Variants in TMEM128 observed in about 807,000 individuals in gnomAD.
TMEM128 encodes the protein transmembrane protein 128.
TMEM128 carries 16 observed loss-of-function variants against 19.7 expected under a neutral mutation model. The ratio of observed to expected loss-of-function variants is 0.81; its 90% CI spans 0.55 to 1.23. The LOEUF (loss-of-function observed/expected upper bound fraction) is 1.23, where lower values mean the gene tolerates loss of function less well. Among genes scored for constraint, TMEM128 ranks in the 50% most tolerant of loss-of-function variants. The probability of loss-of-function intolerance (pLI) is 0.00; values close to 1 mark genes in which losing one functional copy is unlikely to be tolerated. For synonymous variants in TMEM128, 98 were observed against 75.8 expected (o/e 1.29, Z -1.52); for missense variants, 237 against 200.8 (o/e 1.18, Z -1.09).
chr4:4,248,152 C>T lies in TMEM128; in HGVS notation c.51G>A (p.Leu17=), dbSNP rs1577201465. The T allele has an allele frequency of 6.5e-7, 1 of 1,534,224 alleles. No homozygotes were observed. Among genetic ancestry groups the T allele is most frequent in the Admixed American group, 2.0e-5 (1 of 50,468 alleles). ...RQQLRRRFLL[L]PDAEAQLDRE... is the part of the protein sequence containing the mutation. Reference sequence around the variant, plus strand: ...GGTCCAGCTGGGCCTCGGCGTCCGGCAGGAGGAGGAATCGCCGCCGGAGCT... The same window carrying T: ...GGTCCAGCTGGGCCTCGGCGTCCGGTAGGAGGAGGAATCGCCGCCGGAGCT... The change falls in exon 1 of 5, where the codon CTG becomes CTA. Residue 17 remains leucine (L), a synonymous_variant. Coordinates refer to ENST00000382753, the MANE Select transcript of TMEM128 (RefSeq NM_001297551.2).
intron 4 of TMEM128, among the ~76,000 whole-genome samples, chr4:4,236,732 TTTC>T (rs1717739108): frequency 6.6e-6 from 1 of 152,246 alleles, no homozygotes; most frequent in Admixed American, 6.5e-5. Flanking sequence ...AGTATGTCCA[TTTC>T]TTCTTTACAC....
Position 4,240,358 on chromosome 4 carries a change from G to GT in TMEM128, c.360dup (p.Pro121ThrfsTer76), listed in dbSNP as rs1717901025. ...GCAATAAAGGAGGCAGTGGTAATGG[G>GT]TATCAAGGCTGGATACTTGACATCA... On this transcript the variant is annotated frameshift_variant, in exon 3 of 5. Transcript: ENST00000382753. LOFTEE classifies it high-confidence loss of function. The GT allele has an allele frequency of 6.2e-7, 1 of 1,613,934 alleles. No homozygotes were observed. The highest frequency in any genetic ancestry group is 1.7e-5 in the Admixed American group (1 of 60,000).
In TMEM128 at chr4:4,248,158, G is replaced by A. The variant is rs188473081; in HGVS notation, c.45C>T (p.Leu15=). 110 of 1,534,316 alleles carry A rather than the reference G, an allele frequency of 7.2e-5. No individual in the cohort carries two copies. The African/African-American group carries it at 1.1e-3, about 15-fold the overall frequency. Residue 15 remains leucine (L), a synonymous_variant, in exon 1 of 5, where the codon CTC becomes CTT. Coordinates refer to ENST00000382753, the MANE Select transcript of TMEM128 (RefSeq NM_001297551.2). ...GCTGGGCCTCGGCGTCCGGCAGGAG[G>A]AGGAATCGCCGCCGGAGCTGCTGCC... The part of the protein sequence containing the change: ...RARQQLRRRF[L]LLPDAEAQLD...
intron 2 of TMEM128, among the ~76,000 whole-genome samples, chr4:4,244,803 T>C (rs906768165): frequency 1.6e-4 from 25 of 152,310 alleles, no homozygotes; most frequent in African/African-American, 6.0e-4. Context: ...AAGAAGGTGC[T>C]GAGCTACCTT....
Position 4,240,495 on chromosome 4 carries a change from C to T in TMEM128, c.240-16G>A, listed in dbSNP as rs1364500772. ...GAGAAACCAGCTGTGGAGATAAAAA[C>T]AGTAAGAGGTCTGACAGCACTTAAT... On this transcript the variant is annotated splice_polypyrimidine_tract_variant and intron_variant, in intron 2 of 4. Transcript: ENST00000382753. 6 of 1,608,480 alleles carry T rather than the reference C, an allele frequency of 3.7e-6. No homozygotes were observed. The highest frequency in any genetic ancestry group is 4.2e-6 in the Non-Finnish European group (5 of 1,177,104).
At chr4:4,240,896 G>A (rs1361082384) in intron 2 of TMEM128, among the ~76,000 whole-genome samples, 4 of 152,176 alleles carry the variant, frequency 2.6e-5, no homozygotes, top group African/African-American at 9.7e-5. Flanking sequence ...TGACCAACAC[G>A]GAGAAATCCT....
chr4:4,238,724 T>G (rs990299457), intron 3 of TMEM128, among the ~76,000 whole-genome samples: 2 of 152,122 alleles, frequency 1.3e-5, no homozygotes, highest in African/African-American at 4.8e-5. Context: ...TAAAGGTATA[T>G]GGTTCTTCCA....
rs759483260 is a variant in TMEM128 at position 4,240,343 on chromosome 4, A to G, written c.376T>C (p.Ser126Pro). Reference protein sequence around the residue: ...YPALIPITTASFIAAGICFNI... With the variant: ...YPALIPITTAPFIAAGICFNI... ...TACCAAATTCCTGCTGCAATAAAGG[A>G]GGCAGTGGTAATGGGTATCAAGGCT... The change falls in exon 3 of 5, where the codon TCC becomes CCC. Residue 126 changes from serine (S) to proline (P), a missense_variant. Ser to Pro is a moderately conservative substitution (Grantham distance 74). Transcript: ENST00000382753. 1.9e-6 allele frequency: 3 copies of G among 1,614,028 alleles called. No individual in the cohort carries two copies. In the South Asian group the frequency reaches 3.3e-5, roughly 18 times the overall value.
Position 4,248,179 on chromosome 4 carries a change from C to T in TMEM128, c.24G>A (p.Gln8=). The change falls in exon 1 of 5, where the codon CAG becomes CAA. Residue 8 remains glutamine, a synonymous_variant. Transcript: ENST00000382753. ...GGAGGAGGAATCGCCGCCGGAGCTGCTGCCGGGCCCGCGAGGAGTCCATCT... is the reference window on the plus strand; with the variant it reads ...GGAGGAGGAATCGCCGCCGGAGCTGTTGCCGGGCCCGCGAGGAGTCCATCT... MDSSRAR[Q]QLRRRFLLLP... is the part of the protein sequence containing the mutation. The T allele has an allele frequency of 6.5e-7, 1 of 1,530,894 alleles. No homozygotes were observed. Among genetic ancestry groups the T allele is most frequent in the African/African-American group, 1.4e-5 (1 of 71,766 alleles). 94.8% of individuals were successfully genotyped at this position (1,530,894 alleles called of 1,614,324 possible).
rs757875461 is a variant in TMEM128 at position 4,240,436 on chromosome 4, T to C, written c.283A>G (p.Ile95Val). 1.3e-5 allele frequency: 21 copies of C among 1,613,744 alleles called. No homozygotes were observed. Among genetic ancestry groups the C allele is most frequent in the Admixed American group, 6.7e-5 (4 of 59,988 alleles). Residue 95 changes from isoleucine (I) to valine (V), a missense_variant, in exon 3 of 5, where the codon ATT becomes GTT. Physicochemically the swap from Ile to Val is conservative, Grantham distance 29. Transcript: ENST00000382753. ...AGGTAGACTATGCAGTAAAATGCAA[T>C]TGATAAACTGACAAGCAACAAGGCA... ...GSALLLVSLS[I>V]AFYCIVYLEW...
At chr4:4,247,613 C>T in intron 1 of TMEM128, 1 of 1,614,174 alleles carries the variant, frequency 6.2e-7, no homozygotes, top group Non-Finnish European at 8.5e-7. Flanking sequence ...GTTTTGTACC[C>T]AAATGGCGGC....
intron 2 of TMEM128, among the ~76,000 whole-genome samples, chr4:4,241,390 A>C (rs11736550): frequency 7.9e-5 from 12 of 152,022 alleles, no homozygotes; most frequent in Non-Finnish European, 1.8e-4. Context: ...ATTCAGCAAG[A>C]GTGAGGCAAC....
chr4:4,247,587 A>C, intron 1 of TMEM128: 1 of 1,614,236 alleles, frequency 6.2e-7, no homozygotes, highest in Non-Finnish European at 8.5e-7. Flanking sequence ...AGGTGAACAT[A>C]CATCACAAGT....
At chr4:4,239,528 G>C (rs1285238993) in intron 3 of TMEM128, among the ~76,000 whole-genome samples, 1 of 151,984 alleles carries the variant, frequency 6.6e-6, no homozygotes, top group African/African-American at 2.4e-5. Flanking sequence ...TTACCCCTTG[G>C]GGTACATATA....
intron 2 of TMEM128, among the ~76,000 whole-genome samples, chr4:4,245,477 C>T (rs1021703405): frequency 6.6e-6 from 1 of 152,192 alleles, no homozygotes; most frequent in African/African-American, 2.4e-5. Flanking sequence ...CAGTTCTCGG[C>T]TCTTCCTCCC....
intron 1 of TMEM128, 114 bp downstream of exon 1, chr4:4,247,992 C>A: frequency 6.8e-7 from 1 of 1,461,122 alleles, no homozygotes. Flanking sequence ...ATTAAATATT[C>A]GACTTGCAAA....
intron 1 of TMEM128, among the ~76,000 whole-genome samples, chr4:4,247,174 T>C (rs933410760): frequency 2.0e-5 from 3 of 152,200 alleles, no homozygotes; most frequent in African/African-American, 4.8e-5. Context: ...AAGACATTTT[T>C]CCTGTCTGGA....
chr4:4,237,989 T>C (rs1717795502), intron 3 of TMEM128, 54 bp from the exon 4 acceptor site: 8 of 1,145,324 alleles, frequency 7.0e-6, no homozygotes, highest in Non-Finnish European at 8.5e-6. Flanking sequence ...TCAATATATT[T>C]TATTCTAGAA....
At chr4:4,243,080 T>C (rs1162784336) in intron 2 of TMEM128, among the ~76,000 whole-genome samples, 3 of 152,036 alleles carry the variant, frequency 2.0e-5, no homozygotes, top group Non-Finnish European at 4.4e-5. Context: ...ATTATTTATT[T>C]ACTTATTTAA....
Sources: allele counts gnomAD v4.1 joint callset (sites outside exome capture counted in the v4.1 genomes callset), GRCh38; gene constraint gnomAD v4.1.1; transcripts MANE v1.5; gene names NCBI Gene and HGNC (gene_info 2026-07-23, HGNC 2026-07-21).